ASTN1: variants seen among roughly 807,000 people sequenced by gnomAD.
The protein encoded by ASTN1 is astrotactin 1.
ASTN1 carries 41 observed loss-of-function variants against 140.7 expected under a neutral mutation model. The ratio of observed to expected loss-of-function variants is 0.29; its 90% confidence interval spans 0.23 to 0.38. The LOEUF (loss-of-function observed/expected upper bound fraction) is 0.38, where lower values mean the gene tolerates loss of function less well. Among genes scored for constraint, ASTN1 ranks in the 10% least tolerant of loss-of-function variants. The pLI is 1.00. For missense variants in ASTN1, 1,479 were observed against 1,678.8 expected (o/e 0.88, Z 2.08); for synonymous variants, 640 against 652.2 (o/e 0.98, Z 0.29).
intron 9 of ASTN1, among the ~76,000 whole-genome samples, chr1:176,964,612 A>T (rs1459899704): frequency 6.6e-6 from 1 of 152,096 alleles, no homozygotes; most frequent in Non-Finnish European, 1.5e-5. Flanking sequence ...TTTGGGAGGG[A>T]GTAGAAGCAT....
chr1:176,858,658 T>C (rs764915216), downstream of ASTN1, among the ~76,000 whole-genome samples: 1 of 152,136 alleles, frequency 6.6e-6, no homozygotes, highest in African/African-American at 2.4e-5. Flanking sequence ...GCTAAACAAC[T>C]AAACAAACAA....
chr1:177,090,813 C>T (rs561092147), intron 1 of ASTN1, among the ~76,000 whole-genome samples: 1 of 152,238 alleles, frequency 6.6e-6, no homozygotes, highest in Admixed American at 6.5e-5. Flanking sequence ...TTGAAGTCAA[C>T]TCCCAAGGCT....
At chr1:177,064,772 T>C (rs1678268905) in intron 1 of ASTN1, among the ~76,000 whole-genome samples, 1 of 152,240 alleles carries the variant, frequency 6.6e-6, no homozygotes, top group Admixed American at 6.5e-5. Flanking sequence ...TAATGATAGC[T>C]TCTTCCTTGG....
chr1:176,932,138 A>G (rs1363542025), intron 16 of ASTN1, among the ~76,000 whole-genome samples: 1 of 152,206 alleles, frequency 6.6e-6, no homozygotes, highest in Non-Finnish European at 1.5e-5. Flanking sequence ...AATTTTAGGT[A>G]TCTAGTCATA....
intron 1 of ASTN1, among the ~76,000 whole-genome samples, chr1:177,089,782 A>G (rs1378006282): frequency 6.6e-6 from 1 of 152,150 alleles, no homozygotes; most frequent in African/African-American, 2.4e-5. Flanking sequence ...AAACTCCATC[A>G]AAATGGACTC....
At chr1:176,860,788 G>A (rs541638363), downstream of ASTN1, among the ~76,000 whole-genome samples, 4 of 152,268 alleles carry the variant, frequency 2.6e-5, no homozygotes, top group East Asian at 1.9e-4. Context: ...TGCATCATTC[G>A]TAGTGTCTAG....
intron 21 of ASTN1, among the ~76,000 whole-genome samples, chr1:176,871,627 C>G (rs1385697540): frequency 6.6e-6 from 1 of 152,124 alleles, no homozygotes; most frequent in Non-Finnish European, 1.5e-5. Flanking sequence ...CTTAAGAGCC[C>G]ACATCAGTAA....
intron 8 of ASTN1, among the ~76,000 whole-genome samples, chr1:177,001,890 A>G (rs1036712701): frequency 6.6e-6 from 1 of 152,238 alleles, no homozygotes; most frequent in Non-Finnish European, 1.5e-5. Flanking sequence ...AATGGTGAGC[A>G]CTTGTTCCTT....
intron 1 of ASTN1, among the ~76,000 whole-genome samples, chr1:177,072,743 C>A (rs1182438189): frequency 6.6e-6 from 1 of 152,184 alleles, no homozygotes; most frequent in Non-Finnish European, 1.5e-5. Context: ...ATGCATTCTA[C>A]ATGAATAACG....
intron 15 of ASTN1, among the ~76,000 whole-genome samples, chr1:176,935,783 TTCTC>T (rs1671417836): frequency 6.6e-6 from 1 of 151,032 alleles, no homozygotes; most frequent in South Asian, 2.1e-4. Context: ...CTCTCTCTCT[TTCTC>T]TCAATCTCTC....
chr1:176,936,236 G>T, intron 15 of ASTN1, 30 bp downstream of exon 15: 1 of 1,583,832 alleles, frequency 6.3e-7, no homozygotes, highest in East Asian at 2.2e-5. Context: ...TCCAGGGAAG[G>T]TGGGCAGGAT....
chr1:177,017,789 C>T (rs1675632937), intron 7 of ASTN1, among the ~76,000 whole-genome samples: 1 of 152,172 alleles, frequency 6.6e-6, no homozygotes, highest in African/African-American at 2.4e-5. Flanking sequence ...GACAGCTGCA[C>T]TTGATCTGTG....
intron 1 of ASTN1, among the ~76,000 whole-genome samples, chr1:177,105,162 C>T (rs1042030570): frequency 4.6e-5 from 7 of 152,160 alleles, no homozygotes; most frequent in South Asian, 2.1e-4. Flanking sequence ...TCAGCTACCA[C>T]GAAAAGAGTG....
intron 1 of ASTN1, among the ~76,000 whole-genome samples, chr1:177,098,719 T>C (rs1387785080): frequency 6.6e-6 from 1 of 152,212 alleles, no homozygotes; most frequent in East Asian, 1.9e-4. Flanking sequence ...GGTTATGATC[T>C]TCTGTGATAA....
At chr1:176,898,927 A>G (rs1669641253) in intron 16 of ASTN1, among the ~76,000 whole-genome samples, 1 of 152,168 alleles carries the variant, frequency 6.6e-6, no homozygotes, top group Non-Finnish European at 1.5e-5. Flanking sequence ...ATAAGCTACA[A>G]TTAAGGTCTC....
intron 1 of ASTN1, among the ~76,000 whole-genome samples, chr1:177,080,260 A>C (rs1679115336): frequency 4.6e-5 from 2 of 43,612 alleles, no homozygotes; most frequent in Non-Finnish European, 7.3e-5. Context: ...TCACCAGGCC[A>C]AAAAAAAAAA....
intron 16 of ASTN1, among the ~76,000 whole-genome samples, chr1:176,900,479 C>A (rs554182441): frequency 6.6e-6 from 1 of 152,146 alleles, no homozygotes; most frequent in Admixed American, 6.6e-5. Flanking sequence ...TTTCTCCCCA[C>A]CCCATCAACT....
intron 1 of ASTN1, among the ~76,000 whole-genome samples, chr1:177,076,299 A>T (rs1678908907): frequency 1.3e-5 from 2 of 150,068 alleles, no homozygotes; most frequent in African/African-American, 2.4e-5. Flanking sequence ...AAAAAAAGAA[A>T]GAAAGAAAAA....
intron 2 of ASTN1, among the ~76,000 whole-genome samples, chr1:177,039,341 C>G (rs550032900): frequency 6.6e-6 from 1 of 152,162 alleles, no homozygotes; most frequent in African/African-American, 2.4e-5. Context: ...TGTCTAAATA[C>G]CAATGACCCA....
Sources: gnomAD v4.1 joint callset for allele counts (sites outside exome capture counted in the v4.1 genomes callset) on GRCh38, gnomAD v4.1.1 for gene constraint, MANE v1.5 for transcripts, NCBI Gene and HGNC (gene_info 2026-07-23, HGNC 2026-07-21) for gene names.